The following ATP2C2 variants were observed in gnomAD, a reference collection of about 807,000 sequenced individuals.
The protein encoded by ATP2C2 is ATPase secretory pathway Ca2+ transporting 2, also known as calcium-transporting ATPase type 2C member 2.
In ATP2C2, 171 loss-of-function variants were observed where a neutral mutation model predicts 110.8. The observed-to-expected ratio is 1.54, with a 90% CI of 1.36 to 1.75. ATP2C2 has a LOEUF of 1.75. ATP2C2 is among the 40% of genes most tolerant of loss of function. The pLI, the probability that ATP2C2 is intolerant of heterozygous loss-of-function variation, is 0.00. For synonymous variants in ATP2C2, 804 were observed against 508.4 expected (o/e 1.58, Z -7.82); for missense variants, 1,963 against 1,235.0 (o/e 1.59, Z -8.84).
intron 1 of ATP2C2, among the ~76,000 whole-genome samples, chr16:84,380,145 G>A (rs1227684130): frequency 2.6e-5 from 4 of 152,138 alleles, no homozygotes; most frequent in African/African-American, 7.2e-5. Context: ...TGATCTGGGA[G>A]GTGCCTGTTC....
At chr16:84,409,746 GC>G (rs1475800493) in intron 4 of ATP2C2, among the ~76,000 whole-genome samples, 1 of 152,050 alleles carries the variant, frequency 6.6e-6, no homozygotes, top group Non-Finnish European at 1.5e-5. Context: ...CAGGTGATCC[GC>G]CTCCCTTGGT....
chr16:84,443,441 C>A (rs995583181), intron 15 of ATP2C2, among the ~76,000 whole-genome samples: 1 of 152,170 alleles, frequency 6.6e-6, no homozygotes, highest in Non-Finnish European at 1.5e-5. Context: ...AGAACCCTCT[C>A]CATCAAGGTC....
intron 1 of ATP2C2, among the ~76,000 whole-genome samples, chr16:84,379,810 G>A (rs1910471606): frequency 6.6e-6 from 1 of 152,168 alleles, no homozygotes; most frequent in Non-Finnish European, 1.5e-5. Flanking sequence ...GAAGGAAGAT[G>A]TCTATCAAAT....
At chr16:84,447,511 C>T (rs1016893125) in intron 16 of ATP2C2, among the ~76,000 whole-genome samples, 3 of 151,682 alleles carry the variant, frequency 2.0e-5, no homozygotes, top group Non-Finnish European at 4.4e-5. Flanking sequence ...ACGACAACAT[C>T]TGGATGGTAT....
intron 7 of ATP2C2, among the ~76,000 whole-genome samples, chr16:84,418,258 C>T (rs1038747721): frequency 1.3e-5 from 2 of 152,188 alleles, no homozygotes; most frequent in Admixed American, 6.5e-5. Flanking sequence ...TCTTCAGGCT[C>T]GGCCTGCCGC....
At chr16:84,389,926 T>C (rs1266812484) in intron 1 of ATP2C2, among the ~76,000 whole-genome samples, 1 of 152,142 alleles carries the variant, frequency 6.6e-6, no homozygotes, top group Non-Finnish European at 1.5e-5. Flanking sequence ...TTTCACCATG[T>C]TGGCCAGGCT....
At chr16:84,459,796 T>C (rs1377992441) in intron 23 of ATP2C2, 1 of 530,420 alleles carries the variant, frequency 1.9e-6, no homozygotes, top group East Asian at 3.3e-5. Flanking sequence ...ATGGATCTGA[T>C]TGTGATCTGT....
intron 10 of ATP2C2, among the ~76,000 whole-genome samples, chr16:84,424,870 T>A (rs1414295191): frequency 6.6e-6 from 1 of 152,156 alleles, no homozygotes; most frequent in African/African-American, 2.4e-5. Flanking sequence ...CCTTCTACTA[T>A]GGGAATGCCA....
chr16:84,419,439 G>A (rs1355723843), intron 7 of ATP2C2, among the ~76,000 whole-genome samples: 2 of 151,988 alleles, frequency 1.3e-5, no homozygotes, highest in South Asian at 2.1e-4. Flanking sequence ...GTGATCTCAC[G>A]GGGCCCACCC....
chr16:84,452,008 A>G lies in ATP2C2; in HGVS notation c.1748A>G (p.Lys583Arg). The G allele has an allele frequency of 6.2e-7, 1 of 1,613,042 alleles. No homozygotes were observed. The highest frequency in any genetic ancestry group is 8.5e-7 in the Non-Finnish European group (1 of 1,179,828). The change falls in exon 18 of 27, where the codon AAG becomes AGG. Residue 583 changes from lysine (K) to arginine (R), a missense_variant. Coordinates refer to ENST00000262429, the MANE Select transcript of ATP2C2 (RefSeq NM_014861.4). ...GIIDPPRVGV[K>R]EAVQVLSESG... ...ATTGACCCCCCGAGAGTTGGCGTGA[A>G]GGAAGCAGTCCAGGTTCTCTCCGAG...
chr16:84,453,368 C>A lies in ATP2C2; in HGVS notation c.1977C>A (p.Ile659=). ...GCCCAAAGCACAAGCTCAAAATCATCAAGGTTCGCTGGGCAAGGCAGGCAC... is the reference window on the plus strand; with the variant it reads ...GCCCAAAGCACAAGCTCAAAATCATAAAGGTTCGCTGGGCAAGGCAGGCAC... The part of the protein sequence containing the change: ...RTSPKHKLKI[I]KALQESGAIV... The change falls in exon 20 of 27, where the codon ATC becomes ATA. Residue 659 remains isoleucine, a synonymous_variant. Coordinates refer to ENST00000262429, the MANE Select transcript of ATP2C2 (RefSeq NM_014861.4). 6.2e-7 allele frequency: 1 copy of A among 1,614,206 alleles called. No individual in the cohort carries two copies. The highest frequency in any genetic ancestry group is 2.2e-5 in the East Asian group (1 of 44,894).
intron 6 of ATP2C2, among the ~76,000 whole-genome samples, chr16:84,414,046 G>C (rs556642115): frequency 1.3e-5 from 2 of 152,296 alleles, no homozygotes; most frequent in South Asian, 4.1e-4. Flanking sequence ...ACCCCACTGA[G>C]ATGTAATAGT....
At chr16:84,445,563 T>C (rs1472956102) in intron 15 of ATP2C2, among the ~76,000 whole-genome samples, 2 of 152,160 alleles carry the variant, frequency 1.3e-5, no homozygotes, top group African/African-American at 2.4e-5. Context: ...TAGCCTCAAA[T>C]TGACGATATC....
chr16:84,402,068 A>G, intron 2 of ATP2C2, among the ~76,000 whole-genome samples: 1 of 152,154 alleles, frequency 6.6e-6, no homozygotes, highest in East Asian at 1.9e-4. Flanking sequence ...ATTCCTAGAT[A>G]TTTAATTTGC....
intron 10 of ATP2C2, among the ~76,000 whole-genome samples, chr16:84,424,716 G>A (rs997618392): frequency 6.6e-6 from 1 of 151,956 alleles, no homozygotes; most frequent in African/African-American, 2.4e-5. Flanking sequence ...AGCGCTTCTA[G>A]AGGAAAGTAG....
At chr16:84,383,585 A>C (rs1910712364) in intron 1 of ATP2C2, among the ~76,000 whole-genome samples, 2 of 152,204 alleles carry the variant, frequency 1.3e-5, no homozygotes, top group Admixed American at 6.5e-5. Flanking sequence ...AGTTGTAAGA[A>C]GATGATAGCA....
At chr16:84,421,261 C>T (rs77112678) in intron 7 of ATP2C2, among the ~76,000 whole-genome samples, 4,807 of 152,280 alleles carry the variant, frequency 0.032, 88 homozygotes, top group Middle Eastern at 0.051. Flanking sequence ...AATGTGACTG[C>T]GCAGCCGGAG....
At chr16:84,458,829 C>T (rs557228233) in intron 21 of ATP2C2, among the ~76,000 whole-genome samples, 2 of 152,206 alleles carry the variant, frequency 1.3e-5, no homozygotes, top group Non-Finnish European at 2.9e-5. Flanking sequence ...ATGGGGCCCC[C>T]TGGGCTCGGC....
rs1257771979 is a variant in ATP2C2 at position 84,439,520 on chromosome 16, C to T, written c.1205C>T (p.Ala402Val). ...CTTGTAACGTCAGATGGGCTTCGTG[C>T]CGAGGTGAGTGCCAAAGGAATTTAC... ...TQLVTSDGLR[A>V]EVSGVGYDGQ... Residue 402 changes from alanine (A) to valine (V), a missense_variant, in exon 13 of 27, where the codon GCC becomes GTC. By Grantham distance (64) the Ala-to-Val change is moderately conservative. Coordinates refer to ENST00000262429, the MANE Select transcript of ATP2C2 (RefSeq NM_014861.4). 2 of 1,614,082 alleles carry T rather than the reference C, an allele frequency of 1.2e-6. No individual in the cohort carries two copies. Among genetic ancestry groups the T allele is most frequent in the Admixed American group, 1.7e-5 (1 of 60,016 alleles).
Sources: gnomAD v4.1 joint callset for allele counts (sites outside exome capture counted in the v4.1 genomes callset) on GRCh38, gnomAD v4.1.1 for gene constraint, MANE v1.5 for transcripts, NCBI Gene and HGNC (gene_info 2026-07-23, HGNC 2026-07-21) for gene names.